ADAR: variants seen among roughly 807,000 people sequenced by gnomAD.
ADAR encodes the protein double-stranded RNA-specific adenosine deaminase.
A neutral mutation model predicts 113.2 loss-of-function variants in ADAR; 41 were observed. That is an observed-to-expected ratio of 0.36 (90% confidence interval 0.28 to 0.47). ADAR has a LOEUF of 0.47. Among genes scored for constraint, ADAR ranks in the 20% least tolerant of loss-of-function variants. The probability of loss-of-function intolerance (pLI) is 1.00; values close to 1 mark genes in which losing one functional copy is unlikely to be tolerated. For synonymous variants in ADAR, 605 were observed against 572.6 expected, an observed-to-expected ratio of 1.06 and a Z score of -0.81; for missense variants, 1,242 against 1,540.9, an observed-to-expected ratio of 0.81 and a Z score of 3.25.
At position 154,602,143 on chromosome 1, in the gene ADAR, T is replaced by A. The variant is rs374840915; in HGVS notation, c.499A>T (p.Thr167Ser). Residue 167 changes from threonine to serine, a missense_variant, in exon 2 of 15, where the codon ACT becomes TCT. By Grantham distance (58) the Thr-to-Ser change is moderately conservative. Transcript: ENST00000368474. ...ACTCGATTGATTTCTTTCTTCGGAGTCCCAAGTTTCCCAGACAGATCATGT... is the reference window on the plus strand; with the variant it reads ...ACTCGATTGATTTCTTTCTTCGGAGACCCAAGTTTCCCAGACAGATCATGT... Reference protein sequence around the residue: ...TAHDLSGKLGTPKKEINRVLY... With the variant: ...TAHDLSGKLGSPKKEINRVLY... 6.2e-7 allele frequency: 1 copy of A among 1,614,044 alleles called. No individual in the cohort carries two copies. The highest frequency in any genetic ancestry group is 1.3e-5 in the African/African-American group (1 of 74,892).
In ADAR at chr1:154,585,010, C is replaced by A. The variant is rs1268794909; in HGVS notation, c.3477G>T (p.Lys1159Asn). 1.2e-6 allele frequency: 2 copies of A among 1,614,070 alleles called. No individual in the cohort carries two copies. The highest frequency in any genetic ancestry group is 8.5e-7 in the Non-Finnish European group (1 of 1,180,014). ...GCTTCTTAAATAGAAGAAAAATGTT[C>A]TTTTTGGAGACCCGGGACAATTCAT... ...PRNELSRVSKKNIFLLFKKLC... is the reference protein window; with the variant it reads ...PRNELSRVSKNNIFLLFKKLC... Residue 1159 changes from lysine (K) to asparagine (N), a missense_variant, in exon 15 of 15, where the codon AAG (lysine) becomes AAT (asparagine). Physicochemically the swap from Lys to Asn is moderately conservative, Grantham distance 94. Coordinates refer to ENST00000368474, the MANE Select transcript of ADAR (RefSeq NM_001111.5).
chr1:154,595,252 A>G (rs1697418792), intron 6 of ADAR, among the ~76,000 whole-genome samples: 1 of 152,228 alleles, frequency 6.6e-6, no homozygotes, highest in Admixed American at 6.5e-5. Flanking sequence ...TATTTTTATC[A>G]TTATTTCAGC....
chr1:154,594,391 A>G (rs1697363786), intron 6 of ADAR, among the ~76,000 whole-genome samples: 1 of 152,142 alleles, frequency 6.6e-6, no homozygotes, highest in South Asian at 2.1e-4. Context: ...TATTCTAGAC[A>G]TATACAGACA....
At position 154,590,192 on chromosome 1, in the gene ADAR, G is replaced by A. The variant is rs774019390; in HGVS notation, c.2488C>T (p.Pro830Ser). 6.2e-7 allele frequency: 1 copy of A among 1,610,440 alleles called. No homozygotes were observed. The highest frequency in any genetic ancestry group is 8.5e-7 in the Non-Finnish European group (1 of 1,179,334). ...LLLSRSPEAQ[P>S]KTLPLTGSTF... ...AAAGTAGACGTCTTAACTGTCTTTG[G>A]CTGTGCTTCTGGGGACCTTGAGAGG... is the stretch of plus-strand genomic sequence containing the variant. The change falls in exon 7 of 15, where the codon CCA becomes TCA. Residue 830 changes from proline to serine, a missense_variant. This residue lies in a region of ADAR where 780 missense variants were observed against 1,057.9 expected (regional missense o/e 0.74). Transcript: ENST00000368474.
chr1:154,618,535 G>A (rs534179093), intron 1 of ADAR, among the ~76,000 whole-genome samples: 6 of 152,196 alleles, frequency 3.9e-5, no homozygotes, highest in African/African-American at 1.2e-4. Flanking sequence ...AGACAGCTAC[G>A]CTAATTAAAC....
intron 9 of ADAR, 85 bp from the exon 10 acceptor site, chr1:154,588,758 G>A (rs943983734): frequency 6.4e-7 from 1 of 1,564,846 alleles, no homozygotes; most frequent in Non-Finnish European, 8.8e-7. Flanking sequence ...AAATGAGAAA[G>A]TAAGGAAAAG....
At chr1:154,607,245 G>A (rs1698252609) in intron 1 of ADAR, among the ~76,000 whole-genome samples, 1 of 152,028 alleles carries the variant, frequency 6.6e-6, no homozygotes, top group African/African-American at 2.4e-5. Flanking sequence ...CTCGTGCTTA[G>A]CATAACGCAC....
chr1:154,626,690 T>C (rs1193951316), intron 1 of ADAR, among the ~76,000 whole-genome samples: 1 of 152,160 alleles, frequency 6.6e-6, no homozygotes, highest in African/African-American at 2.4e-5. Flanking sequence ...TCGGGCAAGG[T>C]AGATATAATT....
Position 154,602,558 on chromosome 1 carries a change from C to T in ADAR, c.84G>A (p.Gln28=). 2 of 1,614,202 alleles carry T rather than the reference C, an allele frequency of 1.2e-6. No homozygotes were observed. The highest frequency in any genetic ancestry group is 1.7e-6 in the Non-Finnish European group (2 of 1,180,020). The stretch of plus-strand genomic sequence containing the variant: ...TGGGGGAAGATCCTGGCCCAGGCTG[C>T]TGGTACCTGAGCTGTCTGTGCTCAT... ...QGYEHRQLRY[Q]QPGPGSSPSS... The change falls in exon 2 of 15, where the codon CAG becomes CAA. Residue 28 remains glutamine (Q), a synonymous_variant. Transcript: ENST00000368474.
chr1:154,618,066 T>C (rs560889531), intron 1 of ADAR, among the ~76,000 whole-genome samples: 1 of 150,810 alleles, frequency 6.6e-6, no homozygotes, highest in East Asian at 1.9e-4. Context: ...AAGTATATAT[T>C]CTTTATATAG....
chr1:154,612,048 G>C (rs1357378259), upstream of ADAR, among the ~76,000 whole-genome samples: 1 of 152,180 alleles, frequency 6.6e-6, no homozygotes, highest in Non-Finnish European at 1.5e-5. Context: ...AATTTGGTTT[G>C]TTGTGGATCT....
rs1697555011 is a variant in ADAR, at chr1:154,597,126, G to C, written c.2076C>G (p.Asn692Lys). 6.2e-7 allele frequency: 1 copy of C among 1,614,136 alleles called. No individual in the cohort carries two copies. Among genetic ancestry groups the C allele is most frequent in the East Asian group, 2.2e-5 (1 of 44,890 alleles). ...GEATNSMASD[N>K]QPEGMISESL... ...TTTGAGTAGGAAAACGCCCTACCTGGTTATCAGAAGCCATGGAGTTGGTCG... is the reference window on the plus strand; with the variant it reads ...TTTGAGTAGGAAAACGCCCTACCTGCTTATCAGAAGCCATGGAGTTGGTCG... Residue 692 changes from asparagine (N) to lysine (K), a missense_variant, in exon 5 of 15, where the codon AAC (asparagine) becomes AAG (lysine). Coordinates refer to ENST00000368474, the MANE Select transcript of ADAR (RefSeq NM_001111.5).
At chr1:154,612,401 C>T (rs186274160), upstream of ADAR, among the ~76,000 whole-genome samples, 1 of 130,324 alleles carries the variant, frequency 7.7e-6, no homozygotes, top group African/African-American at 2.9e-5. Flanking sequence ...AATCTTGGCT[C>T]ACTGCAAGCT....
In ADAR at chr1:154,602,313, T is replaced by G; in HGVS notation, c.329A>C (p.His110Pro). ...RSQGLQRGFQ[H>P]PSPRGRSLPQ... ...CAGACTCCTGCCACGTGGTGAAGGA[T>G]GCTGGAACCCTCTCTGGAGCCCCTG... Residue 110 changes from histidine (H) to proline (P), a missense_variant, in exon 2 of 15, where the codon CAT (histidine) becomes CCT (proline). By Grantham distance (77) the His-to-Pro change is moderately conservative (BLOSUM62 -2). Transcript: ENST00000368474. 2 of 1,613,580 alleles carry G rather than the reference T, an allele frequency of 1.2e-6. No individual in the cohort carries two copies. Among genetic ancestry groups the G allele is most frequent in the Non-Finnish European group, 8.5e-7 (1 of 1,179,684 alleles).
upstream of ADAR, among the ~76,000 whole-genome samples, chr1:154,612,498 T>G (rs1199493717): frequency 1.3e-5 from 2 of 151,538 alleles, no homozygotes; most frequent in Non-Finnish European, 2.9e-5. Flanking sequence ...CGGCTATTTT[T>G]TTGTATTTTT....
chr1:154,598,790 C>T, intron 2 of ADAR, among the ~76,000 whole-genome samples: 1 of 152,198 alleles, frequency 6.6e-6, no homozygotes, highest in East Asian at 1.9e-4. Context: ...GTGACTCTTT[C>T]CCCATAGCTC....
In ADAR at chr1:154,606,284, G is replaced by C. The variant is rs558304916; in HGVS notation, c.15+1708C>G. On this transcript the variant is annotated intron_variant, in intron 1 of 14. Coordinates refer to ENST00000368474, the MANE Select transcript of ADAR (RefSeq NM_001111.5). The stretch of plus-strand genomic sequence containing the variant: ...GTCGATCTCCTGATCCGCCCTCCTC[G>C]GCCTCCCAAAGTGCTGGGATTACAG... 3.3e-3 allele frequency among the ~76,000 whole-genome samples: 498 copies of C among 151,830 alleles called. 1 individual carries two copies. The highest frequency in any genetic ancestry group is 0.011 in the African/African-American group (460 of 41,376).
rs1053318077 is a variant in ADAR, at chr1:154,586,429, C to T, written c.3020-66G>A. On this transcript the variant is annotated intron_variant, in intron 11 of 14. Coordinates refer to ENST00000368474, the MANE Select transcript of ADAR (RefSeq NM_001111.5). The stretch of plus-strand genomic sequence containing the variant: ...ACCAAACCACTCCCTGGCGTGGTTT[C>T]TATCCTCCTTAAGCTTGGGCCACAG... The T allele has an allele frequency of 2.7e-6, 4 of 1,507,552 alleles. No individual in the cohort carries two copies. In the Admixed American group the frequency reaches 5.3e-5, roughly 20 times the overall value. The allele number at this position is 1,507,552 out of a possible 1,614,324, so 93.4% of individuals were successfully genotyped here. A position where few individuals can be genotyped will look rare whatever the true frequency, so the allele number is the denominator to read the frequency against.
At chr1:154,588,782 G>C in intron 9 of ADAR, 109 bp from the exon 10 acceptor site, 1 of 1,481,644 alleles carries the variant, frequency 6.7e-7, no homozygotes, top group Admixed American at 1.7e-5. Flanking sequence ...CAATGTTGCA[G>C]ACGTTTCACA....
Sources: allele counts gnomAD v4.1 joint callset (sites outside exome capture counted in the v4.1 genomes callset), GRCh38; gene constraint gnomAD v4.1.1; regional missense constraint gnomAD v4.1.1; transcripts MANE v1.5; gene names NCBI Gene and HGNC (gene_info 2026-07-23, HGNC 2026-07-21).